Variants in CLASP2 observed in about 807,000 individuals in gnomAD.
The protein encoded by CLASP2 is CLIP-associating protein 2.
In CLASP2, 47 loss-of-function variants were observed where a neutral mutation model predicts 194.4. The ratio of observed to expected loss-of-function variants is 0.24; its 90% CI spans 0.19 to 0.31. The LOEUF (loss-of-function observed/expected upper bound fraction) is 0.31. Ranked by LOEUF, CLASP2 falls within the 10% of genes least tolerant of loss-of-function variation. CLASP2 has a pLI of 1.00. For synonymous variants in CLASP2, 619 were observed against 633.5 expected (o/e 0.98, Z 0.34); for missense variants, 1,445 against 1,823.6 (o/e 0.79, Z 3.78).
intron 1 of CLASP2, among the ~76,000 whole-genome samples, chr3:33,706,900 G>T (rs907306993): frequency 2.0e-5 from 3 of 152,164 alleles, no homozygotes; most frequent in Non-Finnish European, 4.4e-5. Context: ...AGGAGGTTGA[G>T]GCTGCAGTGA....
At chr3:33,712,767 A>G (rs2093078530) in intron 1 of CLASP2, among the ~76,000 whole-genome samples, 1 of 152,088 alleles carries the variant, frequency 6.6e-6, no homozygotes, top group Non-Finnish European at 1.5e-5. Flanking sequence ...GTTTGAGACC[A>G]GCCTGGCCAA....
chr3:33,653,064 T>G (rs1194998881), intron 7 of CLASP2, among the ~76,000 whole-genome samples: 1 of 152,154 alleles, frequency 6.6e-6, no homozygotes, highest in Non-Finnish European at 1.5e-5. Context: ...TAAAAAATAA[T>G]TTGGATCAAC....
intron 19 of CLASP2, among the ~76,000 whole-genome samples, chr3:33,595,354 T>C (rs1371995288): frequency 6.6e-6 from 1 of 152,092 alleles, no homozygotes; most frequent in African/African-American, 2.4e-5. Flanking sequence ...ATGTTTTCTC[T>C]GCATTTTCAA....
intron 27 of CLASP2, among the ~76,000 whole-genome samples, chr3:33,566,323 G>GT (rs1321081975): frequency 6.6e-6 from 1 of 152,054 alleles, no homozygotes; most frequent in Non-Finnish European, 1.5e-5. Flanking sequence ...GGGGTTAAAT[G>GT]TTTTTTTAAA....
intron 9 of CLASP2, among the ~76,000 whole-genome samples, chr3:33,629,162 T>C (rs1445843582): frequency 1.3e-5 from 2 of 152,156 alleles, no homozygotes; most frequent in Non-Finnish European, 1.5e-5. Flanking sequence ...CAGACAACTC[T>C]TTTGGAAAAG....
chr3:33,522,144 TC>T (rs2053299687), intron 34 of CLASP2, among the ~76,000 whole-genome samples: 1 of 151,994 alleles, frequency 6.6e-6, no homozygotes, highest in Non-Finnish European at 1.5e-5. Context: ...TGCAAGCCCT[TC>T]CCCCTCTAGC....
intron 13 of CLASP2, among the ~76,000 whole-genome samples, 179 bp from the exon 14 acceptor site, chr3:33,608,805 T>G (rs1474634445): frequency 7.1e-6 from 1 of 139,982 alleles, no homozygotes. Context: ...CAGGCTGGAG[T>G]GCAGTGGCGC....
chr3:33,674,625 C>A (rs1011965937), intron 6 of CLASP2, among the ~76,000 whole-genome samples: 1 of 151,876 alleles, frequency 6.6e-6, no homozygotes, highest in Non-Finnish European at 1.5e-5. Flanking sequence ...AAAAACCCTT[C>A]AAAAAATTAA....
rs1307349483 is a variant in CLASP2, at chr3:33,689,800, A to G, written c.378+29T>C. On this transcript the variant is annotated intron_variant, in intron 3 of 38. Transcript: ENST00000682230. ...ATGATTTCCTGTGATTACCATTAGC[A>G]AAATCTGAATTTTAAAATGTAGGCT... 10 of 1,479,364 alleles carry G rather than the reference A, an allele frequency of 6.8e-6. No homozygotes were observed. The African/African-American group carries it at 7.1e-5, about 10-fold the overall frequency. 91.6% of individuals were successfully genotyped at this position (1,479,364 alleles called of 1,614,324 possible).
At chr3:33,596,648 GATATT>G in intron 19 of CLASP2, 58 bp downstream of exon 19, 1 of 1,091,250 alleles carries the variant, frequency 9.2e-7, no homozygotes, top group South Asian at 1.5e-5. Context: ...AATGAACAAG[GATATT>G]ATATAGAATC....
chr3:33,690,608 T>C (rs1034453377), intron 2 of CLASP2, among the ~76,000 whole-genome samples: 1 of 152,204 alleles, frequency 6.6e-6, no homozygotes, highest in African/African-American at 2.4e-5. Context: ...ACAGCTTTAC[T>C]TTCTGTGGTT....
intron 1 of CLASP2, among the ~76,000 whole-genome samples, chr3:33,711,659 A>T (rs1258315419): frequency 7.0e-6 from 1 of 143,748 alleles, no homozygotes; most frequent in Non-Finnish European, 1.5e-5. Context: ...ATCTACAGGG[A>T]ACTCAAATCA....
At chr3:33,579,473 G>A (rs181892884) in intron 23 of CLASP2, among the ~76,000 whole-genome samples, 1 of 152,162 alleles carries the variant, frequency 6.6e-6, no homozygotes, top group Admixed American at 6.5e-5. Context: ...CTAGGAACGT[G>A]CAATATCAAC....
chr3:33,539,112 CTT>C (rs1207288511), intron 32 of CLASP2, among the ~76,000 whole-genome samples, 170 bp from the exon 33 acceptor site: 1 of 152,114 alleles, frequency 6.6e-6, no homozygotes, highest in Non-Finnish European at 1.5e-5. Context: ...GTACATGTCT[CTT>C]TGTCCTTCCA....
At chr3:33,564,949 T>TGC (rs762455800) in intron 27 of CLASP2, among the ~76,000 whole-genome samples, 130 of 152,250 alleles carry the variant, frequency 8.5e-4, no homozygotes, top group Non-Finnish European at 1.6e-3. Flanking sequence ...AATGATCATA[T>TGC]GCACACACAC....
At chr3:33,669,395 C>T (rs1008201686) in intron 6 of CLASP2, among the ~76,000 whole-genome samples, 1 of 151,876 alleles carries the variant, frequency 6.6e-6, no homozygotes. Flanking sequence ...AATTTCTACT[C>T]ATAAAGAAAA....
intron 8 of CLASP2, among the ~76,000 whole-genome samples, chr3:33,635,528 A>T (rs1172254228): frequency 6.6e-6 from 1 of 152,226 alleles, no homozygotes; most frequent in African/African-American, 2.4e-5. Context: ...AATAACTAGG[A>T]GAATTAGGTT....
intron 6 of CLASP2, 21 bp from the exon 7 acceptor site, chr3:33,663,536 G>T (rs758515762): frequency 2.4e-5 from 37 of 1,544,814 alleles, no homozygotes; most frequent in Non-Finnish European, 1.3e-5. Context: ...AGAATAAATT[G>T]GGTTTGTTTG....
chr3:33,515,761 T>C (rs1353157263), intron 36 of CLASP2, among the ~76,000 whole-genome samples: 1 of 152,182 alleles, frequency 6.6e-6, no homozygotes, highest in Non-Finnish European at 1.5e-5. Flanking sequence ...AAACTCTAAG[T>C]AGAAAACTAA....
Sources: gnomAD v4.1 joint callset for allele counts (sites outside exome capture counted in the v4.1 genomes callset) on GRCh38, gnomAD v4.1.1 for gene constraint, MANE v1.5 for transcripts, NCBI Gene and HGNC (gene_info 2026-07-23, HGNC 2026-07-21) for gene names.